Variants in SLC12A8 observed in about 807,000 individuals in gnomAD.
SLC12A8 encodes solute carrier family 12 member 8.
SLC12A8 carries 69 observed loss-of-function variants against 75.6 expected under a neutral mutation model. That is an observed-to-expected ratio of 0.91 (90% confidence interval 0.75 to 1.11). SLC12A8 has a LOEUF of 1.11. SLC12A8 is among the 50% of genes most tolerant of loss of function. The pLI, the probability that SLC12A8 is intolerant of heterozygous loss-of-function variation, is 0.00. For synonymous variants in SLC12A8, 365 were observed against 372.8 expected, an observed-to-expected ratio of 0.98 and a Z score of 0.24; for missense variants, 877 against 896.7, an observed-to-expected ratio of 0.98 and a Z score of 0.28.
At chr3:125,179,714 AG>A (rs1934611138) in intron 4 of SLC12A8, among the ~76,000 whole-genome samples, 1 of 102,894 alleles carries the variant, frequency 9.7e-6, no homozygotes, top group East Asian at 4.5e-4. Context: ...TGAGAGAGAG[AG>A]AGAGAGAGAG....
At chr3:125,141,365 C>T (rs936593897) in intron 5 of SLC12A8, among the ~76,000 whole-genome samples, 4 of 152,266 alleles carry the variant, frequency 2.6e-5, no homozygotes, top group Non-Finnish European at 4.4e-5. Flanking sequence ...AAGGGGTGCT[C>T]GTGGGAGCCT....
intron 5 of SLC12A8, among the ~76,000 whole-genome samples, chr3:125,177,316 G>A (rs1275663317): frequency 7.3e-6 from 1 of 137,072 alleles, no homozygotes; most frequent in Non-Finnish European, 1.6e-5. Context: ...CACACACCAG[G>A]GACTGTTGTG....
intron 9 of SLC12A8, among the ~76,000 whole-genome samples, chr3:125,108,490 T>A (rs1469238848): frequency 2.0e-5 from 3 of 152,108 alleles, no homozygotes; most frequent in African/African-American, 7.2e-5. Flanking sequence ...CACCTCAGCA[T>A]CCTGAATAGC....
At chr3:125,088,957 G>A (rs779455055) in intron 12 of SLC12A8, among the ~76,000 whole-genome samples, 1 of 152,020 alleles carries the variant, frequency 6.6e-6, no homozygotes, top group African/African-American at 2.4e-5. Flanking sequence ...TTTGAATAGG[G>A]TTTATCAATT....
At chr3:125,090,850 T>A (rs1448503279) in intron 12 of SLC12A8, among the ~76,000 whole-genome samples, 1 of 152,210 alleles carries the variant, frequency 6.6e-6, no homozygotes, top group Non-Finnish European at 1.5e-5. Flanking sequence ...TATAGTTGGG[T>A]CATGCTTTTT....
At chr3:125,179,183 G>A (rs919959012) in intron 4 of SLC12A8, among the ~76,000 whole-genome samples, 2 of 151,976 alleles carry the variant, frequency 1.3e-5, no homozygotes, top group Non-Finnish European at 2.9e-5. Context: ...CCTTTTCCAT[G>A]AGGCCTCTCC....
At chr3:125,111,446 G>A (rs1939184914) in intron 8 of SLC12A8, among the ~76,000 whole-genome samples, 1 of 152,128 alleles carries the variant, frequency 6.6e-6, no homozygotes. Context: ...ACCCTCCTGG[G>A]CCAGATCTCA....
intron 5 of SLC12A8, among the ~76,000 whole-genome samples, chr3:125,146,571 G>A (rs529858726): frequency 1.3e-5 from 2 of 152,344 alleles, no homozygotes; most frequent in South Asian, 4.1e-4. Flanking sequence ...CTTAAGGCCT[G>A]GGCTCCTCCC....
At chr3:125,186,184 C>G (rs77332890) in intron 4 of SLC12A8, among the ~76,000 whole-genome samples, 1 of 152,126 alleles carries the variant, frequency 6.6e-6, no homozygotes, top group African/African-American at 2.4e-5. Flanking sequence ...TACCAAGTCC[C>G]CAGGGTAATA....
chr3:125,156,335 G>A (rs1348790004), intron 5 of SLC12A8, among the ~76,000 whole-genome samples: 12 of 152,168 alleles, frequency 7.9e-5, no homozygotes, highest in Non-Finnish European at 1.8e-4. Context: ...CGGCTGCTTC[G>A]TCTCCAGTAT....
At chr3:125,171,346 A>G (rs1455059372) in intron 5 of SLC12A8, among the ~76,000 whole-genome samples, 1 of 15,664 alleles carries the variant, frequency 6.4e-5, no homozygotes, top group African/African-American at 1.2e-4. Flanking sequence ...TGTGGAAGTC[A>G]GTGTGGCGAT....
intron 5 of SLC12A8, among the ~76,000 whole-genome samples, chr3:125,151,900 C>T (rs548523845): frequency 1.5e-3 from 229 of 152,256 alleles, no homozygotes; most frequent in Non-Finnish European, 2.5e-3. Flanking sequence ...TGAGGAAATA[C>T]GTTTTATTAC....
chr3:125,150,824 A>G (rs927970737), intron 5 of SLC12A8, among the ~76,000 whole-genome samples: 2 of 152,226 alleles, frequency 1.3e-5, no homozygotes, highest in African/African-American at 4.8e-5. Context: ...AATGCAGAAC[A>G]TGAAAGGTAG....
chr3:125,199,598 A>AG, intron 2 of SLC12A8, among the ~76,000 whole-genome samples: 1 of 151,090 alleles, frequency 6.6e-6, no homozygotes, highest in East Asian at 1.9e-4. Flanking sequence ...AAAAAAAAAA[A>AG]GGCCAGGTGT....
intron 2 of SLC12A8, among the ~76,000 whole-genome samples, chr3:125,199,679 G>C (rs549860046): frequency 1.3e-5 from 2 of 151,792 alleles, no homozygotes; most frequent in Non-Finnish European, 2.9e-5. Context: ...CCAGGAGTTC[G>C]AGGCTACAAT....
At position 125,164,658 on chromosome 3, in the gene SLC12A8, G is replaced by A. The variant is rs570151357; in HGVS notation, c.622+13085C>T. On this transcript the variant is annotated intron_variant, in intron 5 of 13. Coordinates refer to ENST00000469902, the MANE Select transcript of SLC12A8 (RefSeq NM_024628.6). ...TGTCTCCAGGGTCTTGCCGGCCTGA[G>A]CGCTGAGGTACTTGGCCTGGATTGC... 4.3e-4 allele frequency among the ~76,000 whole-genome samples: 65 copies of A among 152,368 alleles called. 1 individual carries two copies. Among genetic ancestry groups the A allele is most frequent in the African/African-American group, 1.5e-3 (62 of 41,590 alleles).
In SLC12A8 at chr3:125,123,290, A is replaced by T. The variant is rs919873872; in HGVS notation, c.737-2604T>A. Among the ~76,000 whole-genome samples the T allele has an allele frequency of 2.0e-5, 3 of 150,612 alleles. No homozygotes were observed. In the Admixed American group the frequency reaches 2.0e-4, roughly 10 times the overall value. On this transcript the variant is annotated intron_variant, in intron 6 of 13. Transcript: ENST00000469902. ...CTTGGGAGGCTGTGGTGGGAGGATC[A>T]CTTGAGCCCAGGAGGTAGAAGTTGC...
intron 6 of SLC12A8, among the ~76,000 whole-genome samples, chr3:125,132,998 C>T (rs1171319052): frequency 1.3e-5 from 2 of 152,080 alleles, no homozygotes; most frequent in Admixed American, 6.6e-5. Flanking sequence ...TAAAAATGCA[C>T]GCTGCATTTA....
At chr3:125,186,947 C>G (rs1934798497) in intron 4 of SLC12A8, among the ~76,000 whole-genome samples, 1 of 152,262 alleles carries the variant, frequency 6.6e-6, no homozygotes, top group Non-Finnish European at 1.5e-5. Flanking sequence ...GTCATGCAAT[C>G]TGGTCCCCAG....
Sources: gnomAD v4.1 joint callset for allele counts (sites outside exome capture counted in the v4.1 genomes callset) on GRCh38, gnomAD v4.1.1 for gene constraint, MANE v1.5 for transcripts, NCBI Gene and HGNC (gene_info 2026-07-23, HGNC 2026-07-21) for gene names.